The following RAB27B variants were observed in gnomAD, a reference collection of about 807,000 sequenced individuals.
RAB27B encodes the protein RAB27B, member RAS oncogene family.
RAB27B carries 15 observed loss-of-function variants against 24.6 expected under a neutral mutation model. The observed-to-expected ratio is 0.61, with a 90% CI of 0.41 to 0.94. The LOEUF (loss-of-function observed/expected upper bound fraction) is 0.94. Among genes scored for constraint, RAB27B ranks in the 40% least tolerant of loss-of-function variants. RAB27B has a pLI of 0.00. For synonymous variants in RAB27B, 105 were observed against 92.5 expected (o/e 1.14, Z -0.78); for missense variants, 261 against 266.8 (o/e 0.98, Z 0.15).
Position 54,780,615 on chromosome 18 carries a change from T to C in RAB27B, c.-20+62474T>C, listed in dbSNP as rs370257877. Among the ~76,000 whole-genome samples the C allele has an allele frequency of 1.0e-3, 158 of 152,318 alleles. 4 individuals carry two copies. The South Asian group carries it at 0.028, about 27-fold the overall frequency. ...CCTTTTCCAGTAAGGACACCATTCG[T>C]ATTGGATTAGAGCCAACCCACATGA... On this transcript the variant is annotated intron_variant, in intron 2 of 4. Transcript: ENST00000586570.
At chr18:54,728,948 C>A (rs1414513958) in intron 2 of RAB27B, among the ~76,000 whole-genome samples, 1 of 67,090 alleles carries the variant, frequency 1.5e-5, no homozygotes, top group South Asian at 5.6e-4. Context: ...AACCTGCCTA[C>A]AAATTCAGGA....
intron 1 of RAB27B, among the ~76,000 whole-genome samples, chr18:54,837,920 T>C (rs1184709669): frequency 6.6e-6 from 1 of 152,086 alleles, no homozygotes. Context: ...ACCTATGTTC[T>C]CTCCCAACCC....
At chr18:54,855,708 A>G (rs914900827) in intron 1 of RAB27B, among the ~76,000 whole-genome samples, 9 of 152,224 alleles carry the variant, frequency 5.9e-5, no homozygotes, top group African/African-American at 2.2e-4. Flanking sequence ...GATAGGGTTC[A>G]GTATACTATT....
intron 2 of RAB27B, among the ~76,000 whole-genome samples, chr18:54,758,635 T>TAAAAAA (rs58044123): frequency 7.1e-6 from 1 of 141,672 alleles, no homozygotes; most frequent in Non-Finnish European, 1.5e-5. Context: ...CAAAAACAAT[T>TAAAAAA]AAAAAAAAAA....
upstream of RAB27B, among the ~76,000 whole-genome samples, chr18:54,826,015 T>A (rs1333650737): frequency 6.6e-6 from 1 of 152,214 alleles, no homozygotes; most frequent in Non-Finnish European, 1.5e-5. Context: ...TGCATCTGAT[T>A]TAGCTTCTTC....
intron 1 of RAB27B, among the ~76,000 whole-genome samples, chr18:54,832,578 G>A (rs535936618): frequency 6.6e-6 from 1 of 152,350 alleles, no homozygotes; most frequent in African/African-American, 2.4e-5. Flanking sequence ...TATCCTTGAG[G>A]ACATCACTGA....
chr18:54,725,538 C>A (rs368931110), intron 2 of RAB27B, among the ~76,000 whole-genome samples: 2 of 151,558 alleles, frequency 1.3e-5, no homozygotes, highest in Non-Finnish European at 3.0e-5. Context: ...AAGAACCGCC[C>A]AAGACTGGGT....
At chr18:54,863,689 G>A (rs543190736) in intron 1 of RAB27B, among the ~76,000 whole-genome samples, 6 of 152,138 alleles carry the variant, frequency 3.9e-5, no homozygotes, top group Non-Finnish European at 7.4e-5. Context: ...CTCACCAGCC[G>A]CTGGCAAAAG....
chr18:54,763,392 C>T, intron 2 of RAB27B, among the ~76,000 whole-genome samples: 1 of 152,004 alleles, frequency 6.6e-6, no homozygotes, highest in East Asian at 1.9e-4. Context: ...CCATAAATTG[C>T]TATAGAGCCC....
chr18:54,734,835 C>T (rs943304878), intron 2 of RAB27B, among the ~76,000 whole-genome samples: 8 of 152,232 alleles, frequency 5.3e-5, no homozygotes, highest in Non-Finnish European at 1.0e-4. Context: ...TTCTCAAGTG[C>T]CCTCTATGAA....
intron 1 of RAB27B, among the ~76,000 whole-genome samples, chr18:54,841,947 G>T (rs936230267): frequency 2.0e-5 from 3 of 152,152 alleles, no homozygotes; most frequent in Non-Finnish European, 4.4e-5. Flanking sequence ...AATTCACAGG[G>T]ATCACAGACA....
chr18:54,775,799 A>C (rs1459350533), intron 2 of RAB27B, among the ~76,000 whole-genome samples: 1 of 152,128 alleles, frequency 6.6e-6, no homozygotes, highest in East Asian at 1.9e-4. Context: ...AATTTCTAAT[A>C]TTCCCCAATC....
chr18:54,801,017 T>G (rs796859483), intron 2 of RAB27B, among the ~76,000 whole-genome samples: 2 of 119,880 alleles, frequency 1.7e-5, no homozygotes, highest in Admixed American at 8.4e-5. Context: ...TGTTTTTTTT[T>G]TTTTTTTTTT....
At chr18:54,773,570 A>G (rs1264205411) in intron 2 of RAB27B, among the ~76,000 whole-genome samples, 3 of 152,202 alleles carry the variant, frequency 2.0e-5, no homozygotes, top group African/African-American at 7.2e-5. Flanking sequence ...GCGAGGCACT[A>G]TCTTAGGTGT....
intron 2 of RAB27B, among the ~76,000 whole-genome samples, chr18:54,776,978 G>A (rs2145082171): frequency 6.6e-6 from 1 of 152,298 alleles, no homozygotes; most frequent in South Asian, 2.1e-4. Flanking sequence ...CTGGGAGGCA[G>A]AGGTTGCAGT....
At chr18:54,794,172 T>A (rs1909340500) in intron 2 of RAB27B, among the ~76,000 whole-genome samples, 1 of 152,194 alleles carries the variant, frequency 6.6e-6, no homozygotes, top group Non-Finnish European at 1.5e-5. Flanking sequence ...AAACTAGTAC[T>A]TCAATTGGTT....
chr18:54,866,263 TCCTCCCCGCCTCCCCG>T (rs147164249), intron 1 of RAB27B, among the ~76,000 whole-genome samples: 1 of 151,532 alleles, frequency 6.6e-6, no homozygotes, highest in Non-Finnish European at 1.5e-5. Flanking sequence ...GGGATCCTTC[TCCTCCCCGCCTCCCCG>T]CCTCCCCGCC....
At chr18:54,792,300 C>A (rs150088241) in intron 2 of RAB27B, among the ~76,000 whole-genome samples, 72 of 152,268 alleles carry the variant, frequency 4.7e-4, no homozygotes, top group African/African-American at 1.6e-3. Context: ...CCATCGCATG[C>A]CCTTTGAGGG....
chr18:54,804,822 T>C (rs111611080), intron 2 of RAB27B, among the ~76,000 whole-genome samples: 5,108 of 152,040 alleles, frequency 0.034, 146 homozygotes, highest in Admixed American at 0.077. Flanking sequence ...TCTTTTTATA[T>C]ATCTTTGAAA....
Sources: allele counts gnomAD v4.1 joint callset (sites outside exome capture counted in the v4.1 genomes callset), GRCh38; gene constraint gnomAD v4.1.1; transcripts MANE v1.5; gene names NCBI Gene and HGNC (gene_info 2026-07-23, HGNC 2026-07-21).